Variants in RORA observed in about 807,000 individuals in gnomAD.
The protein encoded by RORA is nuclear receptor ROR-alpha.
Under a neutral mutation model 69.5 loss-of-function variants are expected in RORA, and 7 were observed. The observed-to-expected ratio is 0.10, with a 90% confidence interval of 0.06 to 0.19. RORA has a LOEUF of 0.19. Ranked by LOEUF, RORA falls within the 10% of genes least tolerant of loss-of-function variation. The pLI, the probability that RORA is intolerant of heterozygous loss-of-function variation, is 1.00. For missense variants in RORA, 457 were observed against 663.0 expected, an observed-to-expected ratio of 0.69 and a Z score of 3.41; for synonymous variants, 261 against 240.8, an observed-to-expected ratio of 1.08 and a Z score of -0.78.
At chr15:60,968,144 C>A (rs1296722961) in intron 1 of RORA, among the ~76,000 whole-genome samples, 1 of 152,146 alleles carries the variant, frequency 6.6e-6, no homozygotes. Flanking sequence ...TTTGGACTAA[C>A]CCTGGTTGGG....
At chr15:60,751,175 T>A (rs953761116) in intron 1 of RORA, among the ~76,000 whole-genome samples, 1 of 152,172 alleles carries the variant, frequency 6.6e-6, no homozygotes, top group Non-Finnish European at 1.5e-5. Context: ...TCCCTCCCCA[T>A]GGCGGGGCAT....
rs1041687534 is a variant in RORA, at chr15:61,053,667, C to A, written c.166+175386G>T. The stretch of plus-strand genomic sequence containing the variant: ...CAGCAACAAAGCCTGGGTATGCGGT[C>A]TTTGAGAATGCCTCAAGAAAACAAA... On this transcript the variant is annotated intron_variant, in intron 1 of 10. Coordinates refer to ENST00000335670, the MANE Select transcript of RORA (RefSeq NM_134261.3). Among the ~76,000 whole-genome samples, 5 of 151,786 alleles carry A rather than the reference C, an allele frequency of 3.3e-5. No homozygotes were observed. The South Asian group carries it at 1.0e-3, about 32-fold the overall frequency.
At chr15:61,221,413 T>C (rs1217736936) in intron 1 of RORA, among the ~76,000 whole-genome samples, 1 of 152,210 alleles carries the variant, frequency 6.6e-6, no homozygotes, top group Non-Finnish European at 1.5e-5. Flanking sequence ...TGCCTGTTTA[T>C]TCTTGGTAGC....
At chr15:60,700,449 C>T (rs2070966129) in intron 1 of RORA, among the ~76,000 whole-genome samples, 1 of 152,162 alleles carries the variant, frequency 6.6e-6, no homozygotes, top group Admixed American at 6.5e-5. Context: ...TTTCATGCCA[C>T]TGATAGGAAA....
intron 1 of RORA, among the ~76,000 whole-genome samples, chr15:61,097,207 T>G (rs1014325388): frequency 2.6e-5 from 4 of 152,174 alleles, no homozygotes; most frequent in Admixed American, 2.6e-4. Flanking sequence ...AAAGACTGAC[T>G]CGCAAATAAA....
At chr15:60,611,436 T>G (rs1031145704) in intron 2 of RORA, among the ~76,000 whole-genome samples, 7 of 151,936 alleles carry the variant, frequency 4.6e-5, no homozygotes, top group Non-Finnish European at 1.0e-4. Flanking sequence ...TCTGTGTTTA[T>G]GTACTACGAG....
At chr15:60,954,987 C>T (rs1893223828) in intron 1 of RORA, among the ~76,000 whole-genome samples, 1 of 152,186 alleles carries the variant, frequency 6.6e-6, no homozygotes, top group South Asian at 2.1e-4. Flanking sequence ...ACCACATTAA[C>T]ATGGGTTTTG....
At position 60,499,912 on chromosome 15, in the gene RORA, C is replaced by G; in HGVS notation, c.1387G>C (p.Glu463Gln). 1.2e-6 allele frequency: 2 copies of G among 1,607,576 alleles called. No homozygotes were observed. Among genetic ancestry groups the G allele is most frequent in the Middle Eastern group, 1.7e-4 (1 of 6,038 alleles). ...LQHVLQKNHREDGILTKLICK... is the reference protein window; with the variant it reads ...LQHVLQKNHRQDGILTKLICK... ...CTCACCTTTGTTAGTATTCCATCTT[C>G]TCGGTGATTCTTCTGTAGGACGTGT... Residue 463 changes from glutamate to glutamine, a missense_variant, in exon 10 of 11, where the codon GAA (glutamate) becomes CAA (glutamine). Around this residue, in one of 3 missense-constraint regions of RORA, gnomAD observed 304 missense variants for 447.4 expected, o/e 0.68. Coordinates refer to ENST00000335670, the MANE Select transcript of RORA (RefSeq NM_134261.3).
At chr15:61,090,650 T>C (rs1258074174) in intron 1 of RORA, among the ~76,000 whole-genome samples, 1 of 152,188 alleles carries the variant, frequency 6.6e-6, no homozygotes, top group African/African-American at 2.4e-5. Flanking sequence ...CCCAGGGAGA[T>C]GACAGCAGCC....
At chr15:60,628,241 T>G (rs2140645266) in intron 2 of RORA, among the ~76,000 whole-genome samples, 1 of 152,368 alleles carries the variant, frequency 6.6e-6, no homozygotes, top group East Asian at 1.9e-4. Context: ...TGACAGTTTC[T>G]CGAACTTTCC....
At chr15:61,205,501 G>A (rs1426789325) in intron 1 of RORA, among the ~76,000 whole-genome samples, 2 of 152,174 alleles carry the variant, frequency 1.3e-5, no homozygotes, top group African/African-American at 2.4e-5. Context: ...TCAGAGTTTC[G>A]CTTTGTCTAG....
At chr15:60,998,632 C>T (rs984434170) in intron 1 of RORA, among the ~76,000 whole-genome samples, 1 of 152,176 alleles carries the variant, frequency 6.6e-6, no homozygotes, top group Non-Finnish European at 1.5e-5. Flanking sequence ...CTCCTGACCT[C>T]AGGTGATCTG....
Position 60,579,361 on chromosome 15 carries a change from C to G in RORA, c.197-47510G>C, listed in dbSNP as rs561649720. 2.1e-4 allele frequency among the ~76,000 whole-genome samples: 32 copies of G among 152,186 alleles called. No homozygotes were observed. In the South Asian group the frequency reaches 6.6e-3, roughly 32 times the overall value. ...ACTGTAGAGGATAGTATCTATAAAT[C>G]CAAACGCTCTCTAATCTGCTAAATG... On this transcript the variant is annotated intron_variant, in intron 2 of 10. Transcript: ENST00000335670.
At chr15:60,893,107 G>A (rs979326413) in intron 1 of RORA, among the ~76,000 whole-genome samples, 7 of 152,144 alleles carry the variant, frequency 4.6e-5, no homozygotes, top group African/African-American at 1.2e-4. Context: ...GAATCACCAG[G>A]GTGTCTCCTG....
chr15:60,761,498 T>C (rs2140872418), intron 1 of RORA, among the ~76,000 whole-genome samples: 1 of 152,308 alleles, frequency 6.6e-6, no homozygotes, highest in Non-Finnish European at 1.5e-5. Flanking sequence ...AACTCTCTTT[T>C]ATGATATGTT....
intron 1 of RORA, among the ~76,000 whole-genome samples, chr15:61,095,615 A>G (rs1344678788): frequency 1.3e-5 from 2 of 152,226 alleles, no homozygotes; most frequent in African/African-American, 2.4e-5. Flanking sequence ...CACAAAATCT[A>G]AAAGTATATA....
At chr15:61,178,517 C>A (rs1459918458) in intron 1 of RORA, among the ~76,000 whole-genome samples, 3 of 151,870 alleles carry the variant, frequency 2.0e-5, no homozygotes, top group South Asian at 2.1e-4. Flanking sequence ...ATGCTCACAG[C>A]CATTTCTTTC....
At position 60,605,803 on chromosome 15, in the gene RORA, C is replaced by G. The variant is rs982970872; in HGVS notation, c.196+72854G>C. Among the ~76,000 whole-genome samples, 6 of 152,288 alleles carry G rather than the reference C, an allele frequency of 3.9e-5. No individual in the cohort carries two copies. In the East Asian group the frequency reaches 1.2e-3, roughly 29 times the overall value. ...CTAACTTACATTTATATTAACTTTT[C>G]TGGAGATGACGTTTTTTAAACATAT... On this transcript the variant is annotated intron_variant, in intron 2 of 10. Transcript: ENST00000335670.
At chr15:60,671,096 A>ATATATATATC (rs1261836824) in intron 2 of RORA, among the ~76,000 whole-genome samples, 7 of 129,958 alleles carry the variant, frequency 5.4e-5, no homozygotes. Context: ...ATATATATAT[A>ATATATATATC]TCTGTTTCCT....
Sources: allele counts gnomAD v4.1 joint callset (sites outside exome capture counted in the v4.1 genomes callset), GRCh38; gene constraint gnomAD v4.1.1; regional missense constraint gnomAD v4.1.1; transcripts MANE v1.5; gene names NCBI Gene and HGNC (gene_info 2026-07-23, HGNC 2026-07-21).